The following ABCG8 variants were observed in gnomAD, a reference collection of about 807,000 sequenced individuals.
ABCG8 encodes ATP-binding cassette sub-family G member 8.
Under a neutral mutation model 71.3 loss-of-function variants are expected in ABCG8, and 81 were observed. The observed-to-expected ratio is 1.14, with a 90% CI of 0.95 to 1.37. The LOEUF (loss-of-function observed/expected upper bound fraction) is 1.37. ABCG8 is among the 40% of genes most tolerant of loss of function. ABCG8 has a pLI of 0.00. For missense variants in ABCG8, 1,119 were observed against 866.2 expected (o/e 1.29, Z -3.66); for synonymous variants, 451 against 354.7 (o/e 1.27, Z -3.05).
chr2:43,871,912 C>T (rs1669788255), intron 6 of ABCG8, 64 bp from the exon 7 acceptor site: 5 of 1,608,366 alleles, frequency 3.1e-6, no homozygotes, highest in South Asian at 2.2e-5. Context: ...GTGCACCAAG[C>T]TCTTCACCTG....
chr2:43,855,568 C>T (rs115253168), intron 6 of ABCG8, among the ~76,000 whole-genome samples: 1 of 152,096 alleles, frequency 6.6e-6, no homozygotes, highest in Admixed American at 6.5e-5. Flanking sequence ...AGTTCTCACC[C>T]TCCAGAGAGA....
At chr2:43,858,099 ACT>A (rs959274914) in intron 6 of ABCG8, among the ~76,000 whole-genome samples, 13 of 151,186 alleles carry the variant, frequency 8.6e-5, no homozygotes, top group African/African-American at 2.7e-4. Context: ...TCTGTGTGGA[ACT>A]CTCACTATTT....
intron 6 of ABCG8, among the ~76,000 whole-genome samples, chr2:43,870,602 A>C (rs1001969198): frequency 6.6e-6 from 1 of 151,630 alleles, no homozygotes; most frequent in Non-Finnish European, 1.5e-5. Context: ...TCTGGATGGA[A>C]TTCTCACTCT....
intron 6 of ABCG8, among the ~76,000 whole-genome samples, chr2:43,855,988 T>C (rs139145637): frequency 0.057 from 8,211 of 145,222 alleles, 272 homozygotes; most frequent in Middle Eastern, 0.14. Flanking sequence ...ATAGAATTCT[T>C]ACCATCTGGA....
At chr2:43,839,754 A>T (rs983246654) in intron 1 of ABCG8, among the ~76,000 whole-genome samples, 1 of 152,090 alleles carries the variant, frequency 6.6e-6, no homozygotes, top group Admixed American at 6.6e-5. Flanking sequence ...ACTCCATCAT[A>T]GAAATGTGCT....
chr2:43,872,293 A>G lies in ABCG8; in HGVS notation c.1198A>G (p.Thr400Ala). 1.9e-6 allele frequency: 3 copies of G among 1,613,916 alleles called. No individual in the cohort carries two copies. Among genetic ancestry groups the G allele is most frequent in the Non-Finnish European group, 2.5e-6 (3 of 1,180,000 alleles). Residue 400 changes from threonine to alanine, a missense_variant, in exon 8 of 13, where the codon ACG becomes GCG. Coordinates refer to ENST00000272286, the MANE Select transcript of ABCG8 (RefSeq NM_022437.3). ...GATGCCTGGGGCGGTGCAGCAGTTT[A>G]CGACGCTGATCCGGTAATTATCTGT... ...TKMPGAVQQF[T>A]TLIRRQISND...
intron 6 of ABCG8, among the ~76,000 whole-genome samples, chr2:43,871,252 A>G (rs1669758583): frequency 6.7e-6 from 1 of 149,334 alleles, no homozygotes; most frequent in Non-Finnish European, 1.5e-5. Context: ...CACTTTCTGG[A>G]TAGAATTCTC....
At chr2:43,843,954 G>T (rs938234292) in intron 1 of ABCG8, among the ~76,000 whole-genome samples, 1 of 152,154 alleles carries the variant, frequency 6.6e-6, no homozygotes, top group African/African-American at 2.4e-5. Context: ...GGAGAAGTAT[G>T]CCAGATGTTA....
chr2:43,859,715 A>G (rs376236017), intron 6 of ABCG8, among the ~76,000 whole-genome samples: 64 of 150,862 alleles, frequency 4.2e-4, no homozygotes, highest in African/African-American at 1.5e-3. Flanking sequence ...CTCACTATCT[A>G]TCTTGATAGA....
chr2:43,856,067 A>G (rs1572840608), intron 6 of ABCG8, among the ~76,000 whole-genome samples: 1 of 151,686 alleles, frequency 6.6e-6, no homozygotes, highest in East Asian at 2.0e-4. Context: ...GCTTGCTAGA[A>G]TTCTCACCCT....
intron 6 of ABCG8, among the ~76,000 whole-genome samples, chr2:43,856,381 CCTGTCTGGATAGAACTCTCACTCT>C (rs1558818794): frequency 6.7e-6 from 1 of 148,534 alleles, no homozygotes; most frequent in Non-Finnish European, 1.5e-5. Context: ...ACTCTCACTC[CCTGTCTGGATAGAACTCTCACTCT>C]CTAGATAGAA....
intron 1 of ABCG8, among the ~76,000 whole-genome samples, chr2:43,841,276 A>C (rs1668574812): frequency 6.6e-6 from 1 of 152,202 alleles, no homozygotes; most frequent in African/African-American, 2.4e-5. Flanking sequence ...TTTGATCAGA[A>C]GTTAATACGA....
intron 6 of ABCG8, among the ~76,000 whole-genome samples, chr2:43,869,420 T>A (rs72798826): frequency 0.053 from 7,950 of 149,244 alleles, 250 homozygotes; most frequent in Middle Eastern, 0.12. Context: ...TCTGAATAGA[T>A]TTCTCACTCT....
intron 6 of ABCG8, among the ~76,000 whole-genome samples, chr2:43,858,634 C>T (rs1669195161): frequency 6.7e-6 from 1 of 148,560 alleles, no homozygotes; most frequent in Non-Finnish European, 1.5e-5. Context: ...GGATGGAATT[C>T]CCACTCTCTG....
At chr2:43,855,319 T>A (rs983226601) in intron 6 of ABCG8, among the ~76,000 whole-genome samples, 1 of 152,236 alleles carries the variant, frequency 6.6e-6, no homozygotes, top group African/African-American at 2.4e-5. Context: ...ACTCACTCTC[T>A]GGATAGAACT....
intron 6 of ABCG8, among the ~76,000 whole-genome samples, chr2:43,859,700 G>T (rs1669237960): frequency 6.6e-6 from 1 of 151,172 alleles, no homozygotes; most frequent in South Asian, 2.1e-4. Context: ...TATCTGGATA[G>T]AACTCTCACT....
At chr2:43,851,873 C>G (rs772022769) in intron 4 of ABCG8, 51 bp downstream of exon 4, 85 of 1,577,802 alleles carry the variant, frequency 5.4e-5, no homozygotes, top group Non-Finnish European at 7.4e-5. Flanking sequence ...GCTACAGTGT[C>G]CATGCCCCGC....
chr2:43,862,585 T>G (rs1307604582), intron 6 of ABCG8, among the ~76,000 whole-genome samples: 1 of 120,402 alleles, frequency 8.3e-6, no homozygotes, highest in Non-Finnish European at 1.9e-5. Flanking sequence ...TGGATAGAAC[T>G]CTTACTACCT....
chr2:43,876,739 T>TA lies in ABCG8; in HGVS notation c.1757-821dup, dbSNP rs1424945566. On this transcript the variant is annotated intron_variant, in intron 11 of 12. Coordinates refer to ENST00000272286, the MANE Select transcript of ABCG8 (RefSeq NM_022437.3). ...TGGGAATATGGGGAGACTGTGGGAATATGGGAGAGAGAGTGTCAATATAAA... is the reference window on the plus strand; with the variant it reads ...TGGGAATATGGGGAGACTGTGGGAATAATGGGAGAGAGAGTGTCAATATAAA... Among the ~76,000 whole-genome samples, 3 of 142,952 alleles carry TA rather than the reference T, an allele frequency of 2.1e-5. No homozygotes were observed. The East Asian group carries it at 6.3e-4, about 30-fold the overall frequency. The allele number at this position is 142,952 out of a possible 152,430, so 93.8% of individuals were successfully genotyped here. A position where few individuals can be genotyped will look rare whatever the true frequency, so the allele number is the denominator to read the frequency against.
Sources: allele counts gnomAD v4.1 joint callset (sites outside exome capture counted in the v4.1 genomes callset), GRCh38; gene constraint gnomAD v4.1.1; transcripts MANE v1.5; gene names NCBI Gene and HGNC (gene_info 2026-07-23, HGNC 2026-07-21).